The following LCOR variants were observed in gnomAD, a reference collection of about 807,000 sequenced individuals.
The protein encoded by LCOR is ligand dependent nuclear receptor corepressor.
In LCOR, 14 loss-of-function variants were observed where a neutral mutation model predicts 64.4. The ratio of observed to expected loss-of-function variants is 0.22; its 90% CI spans 0.14 to 0.34. The LOEUF is 0.34. Among genes scored for constraint, LCOR ranks in the 10% least tolerant of loss-of-function variants. The pLI is 1.00. For missense variants in LCOR, 1,686 were observed against 1,765.3 expected (o/e 0.96, Z 0.80); for synonymous variants, 643 against 642.5 (o/e 1.00, Z -0.01).
intron 4 of LCOR, among the ~76,000 whole-genome samples, chr10:96,933,423 C>T (rs1847296629): frequency 6.6e-6 from 1 of 151,964 alleles, no homozygotes; most frequent in Non-Finnish European, 1.5e-5. Context: ...AATGGTGAAA[C>T]CTTTATTTAT....
Position 96,990,759 on chromosome 10 carries a change from C to G in LCOR, c.*5625C>G, listed in dbSNP as rs1317593675. ...CCTCTCTGTCTGATCTTCCTTTTCC[C>G]AGAGCCTCAGTGCTTGATGCTCAGT... is the stretch of plus-strand genomic sequence containing the variant. On this transcript the variant is annotated 3_prime_UTR_variant, in exon 8 of 8. Coordinates refer to ENST00000421806, the MANE Select transcript of LCOR (RefSeq NM_001346516.2). The G allele has an allele frequency of 6.6e-6, 1 of 152,256 alleles. No individual in the cohort carries two copies. The highest frequency in any genetic ancestry group is 2.4e-5 in the African/African-American group (1 of 41,408). The allele number at this position is 152,256 out of a possible 1,614,324, so 9.4% of individuals were successfully genotyped here. A position where few individuals can be genotyped will look rare whatever the true frequency, so the allele number is the denominator to read the frequency against.
chr10:96,907,778 AG>A, intron 4 of LCOR, 31 bp downstream of exon 4: 1 of 739,464 alleles, frequency 1.4e-6, no homozygotes, highest in Non-Finnish European at 1.7e-6. Context: ...ACTTTTATTT[AG>A]TGTAGTATTT....
intron 2 of LCOR, among the ~76,000 whole-genome samples, chr10:96,877,732 C>G (rs1034133289): frequency 2.1e-5 from 3 of 146,236 alleles, no homozygotes; most frequent in Non-Finnish European, 4.5e-5. Flanking sequence ...CTGCCTCAGC[C>G]TTTTGAGTAG....
intron 4 of LCOR, among the ~76,000 whole-genome samples, chr10:96,920,443 T>TATATATATTC (rs1847032163): frequency 5.5e-4 from 1 of 1,806 alleles, no homozygotes; most frequent in Non-Finnish European, 2.2e-3. Context: ...TGTATATATG[T>TATATATATTC]GTATATATAT....
chr10:96,853,549 G>A (rs1478670747), intron 2 of LCOR, among the ~76,000 whole-genome samples: 1 of 152,162 alleles, frequency 6.6e-6, no homozygotes, highest in Non-Finnish European at 1.5e-5. Flanking sequence ...TGCTCATGTA[G>A]TCAGCTGTGT....
At position 96,985,301 on chromosome 10, in the gene LCOR, T is replaced by C. The variant is rs1328012192; in HGVS notation, c.*167T>C. 1.2e-6 allele frequency: 1 copy of C among 802,750 alleles called. No homozygotes were observed. The highest frequency in any genetic ancestry group is 1.8e-6 in the Non-Finnish European group (1 of 547,606). The allele number at this position is 802,750 out of a possible 1,614,324, so 49.7% of individuals were successfully genotyped here. On this transcript the variant is annotated 3_prime_UTR_variant, in exon 8 of 8. Transcript: ENST00000421806. ...ATGCATCTCAGATGGAGAAGGGAACTTGCAGAGTCCTTCTCTGAGGCTAAG... is the reference window on the plus strand; with the variant it reads ...ATGCATCTCAGATGGAGAAGGGAACCTGCAGAGTCCTTCTCTGAGGCTAAG...
intron 2 of LCOR, among the ~76,000 whole-genome samples, chr10:96,834,051 G>A (rs771450555): frequency 6.6e-5 from 10 of 152,184 alleles, no homozygotes; most frequent in Non-Finnish European, 1.5e-4. Context: ...TTCGATAATA[G>A]ATTAAAAAGC....
At chr10:96,930,007 C>A (rs1161376766) in intron 4 of LCOR, among the ~76,000 whole-genome samples, 2 of 152,144 alleles carry the variant, frequency 1.3e-5, no homozygotes, top group Non-Finnish European at 2.9e-5. Flanking sequence ...ACTACAGTAA[C>A]ATAAAAAATC....
chr10:96,888,953 T>C (rs1054956889), intron 2 of LCOR, among the ~76,000 whole-genome samples: 4 of 152,234 alleles, frequency 2.6e-5, no homozygotes, highest in African/African-American at 9.6e-5. Flanking sequence ...TCAACATGTA[T>C]TTGAGAGTAA....
chr10:96,987,771 T>C lies in LCOR; in HGVS notation c.*2637T>C, dbSNP rs1848160212. On this transcript the variant is annotated 3_prime_UTR_variant, in exon 8 of 8. Coordinates refer to ENST00000421806, the MANE Select transcript of LCOR (RefSeq NM_001346516.2). ...TTGAGGGCTAATCCTGCAAGGCCCT[T>C]TGATACCTACAGCAGGTACTGGCAA... is the stretch of plus-strand genomic sequence containing the variant. The C allele has an allele frequency of 2.0e-5, 3 of 152,206 alleles. No homozygotes were observed. Among genetic ancestry groups the C allele is most frequent in the Admixed American group, 2.0e-4 (3 of 15,282 alleles). The allele number at this position is 152,206 out of a possible 1,614,324, so 9.4% of individuals were successfully genotyped here. A position where few individuals can be genotyped will look rare whatever the true frequency, so the allele number is the denominator to read the frequency against.
At chr10:96,902,849 G>A (rs1355444159) in intron 2 of LCOR, among the ~76,000 whole-genome samples, 1 of 152,146 alleles carries the variant, frequency 6.6e-6, no homozygotes, top group Non-Finnish European at 1.5e-5. Flanking sequence ...TAACAATGGG[G>A]TTGCATTATG....
At chr10:96,883,940 A>AT (rs1846302394) in intron 2 of LCOR, among the ~76,000 whole-genome samples, 1 of 152,174 alleles carries the variant, frequency 6.6e-6, no homozygotes. Context: ...TAAATAATGG[A>AT]TTTTTTAAAA....
chr10:96,832,955 G>C (rs1181229353), intron 1 of LCOR: 2 of 980,950 alleles, frequency 2.0e-6, no homozygotes, highest in Admixed American at 6.2e-5. Flanking sequence ...GCTCGGGCGT[G>C]TGCGAAGCGT....
intron 4 of LCOR, among the ~76,000 whole-genome samples, chr10:96,924,665 ATTAT>A (rs1032576141): frequency 2.9e-4 from 44 of 151,946 alleles, no homozygotes; most frequent in African/African-American, 1.0e-3. Flanking sequence ...TATTTGCCTT[ATTAT>A]TTAGTCATTT....
chr10:96,987,792 G>C lies in LCOR; in HGVS notation c.*2658G>C, dbSNP rs973943585. 2 of 152,196 alleles carry C rather than the reference G, an allele frequency of 1.3e-5. No individual in the cohort carries two copies. The highest frequency in any genetic ancestry group is 4.8e-5 in the African/African-American group (2 of 41,440). 9.4% of individuals were successfully genotyped at this position (152,196 alleles called of 1,614,324 possible). On this transcript the variant is annotated 3_prime_UTR_variant, in exon 8 of 8. Coordinates refer to ENST00000421806, the MANE Select transcript of LCOR (RefSeq NM_001346516.2). ...CCCTTTGATACCTACAGCAGGTACT[G>C]GCAAAGCAGTTTCCCAGATACCTCC...
chr10:96,892,012 C>CT (rs1333685630), intron 2 of LCOR, among the ~76,000 whole-genome samples: 1 of 152,092 alleles, frequency 6.6e-6, no homozygotes, highest in African/African-American at 2.4e-5. Context: ...TTTTTGTGGT[C>CT]TAACGTGTTG....
At chr10:96,952,853 AT>A (rs2134529237) in intron 7 of LCOR, among the ~76,000 whole-genome samples, 1 of 152,358 alleles carries the variant, frequency 6.6e-6, no homozygotes, top group East Asian at 1.9e-4. Context: ...ATATTAAGAC[AT>A]TTAGATACCA....
In LCOR at chr10:96,900,188, G is replaced by C. The variant is rs1846609214; in HGVS notation, c.-329-7077G>C. Among the ~76,000 whole-genome samples the C allele has an allele frequency of 2.0e-5, 3 of 152,126 alleles. 1 individual carries two copies. The highest frequency in any genetic ancestry group is 2.0e-4 in the Admixed American group (3 of 15,290). On this transcript the variant is annotated intron_variant, in intron 2 of 7. Coordinates refer to ENST00000421806, the MANE Select transcript of LCOR (RefSeq NM_001346516.2). The stretch of plus-strand genomic sequence containing the variant: ...ATGGACTCATAGTATGTGGTCTTTT[G>C]TTTCTGTCCTTTTTTCACCTAACAC...
chr10:96,973,023 C>G (rs1178963022), intron 7 of LCOR, among the ~76,000 whole-genome samples: 1 of 152,164 alleles, frequency 6.6e-6, no homozygotes, highest in African/African-American at 2.4e-5. Context: ...ATCCTGGTTT[C>G]AACCCCTCAC....
Sources: allele counts gnomAD v4.1 joint callset (sites outside exome capture counted in the v4.1 genomes callset), GRCh38; gene constraint gnomAD v4.1.1; transcripts MANE v1.5; gene names NCBI Gene and HGNC (gene_info 2026-07-23, HGNC 2026-07-21).